MYO5B: variants seen among roughly 807,000 people sequenced by gnomAD.
MYO5B encodes myosin VB.
A neutral mutation model predicts 229.3 loss-of-function variants in MYO5B; 143 were observed. That is an observed-to-expected ratio of 0.62 (90% CI 0.54 to 0.72). MYO5B has a LOEUF of 0.72. Among genes scored for constraint, MYO5B ranks in the 30% least tolerant of loss-of-function variants. The pLI is 0.00. For synonymous variants in MYO5B, 918 were observed against 885.2 expected, an observed-to-expected ratio of 1.04 and a Z score of -0.66; for missense variants, 2,321 against 2,331.0, an observed-to-expected ratio of 1.00 and a Z score of 0.09.
chr18:50,001,415 G>C lies in MYO5B; in HGVS notation c.456-4C>G. The C allele has an allele frequency of 6.2e-7, 1 of 1,614,016 alleles. No individual in the cohort carries two copies. Among genetic ancestry groups the C allele is most frequent in the Non-Finnish European group, 8.5e-7 (1 of 1,179,938 alleles). The stretch of plus-strand genomic sequence containing the variant: ...GATGGACTGATTCTTCTCATCTCTG[G>C]AAGGAAAAAAGCTCTGATAAGTCAT... On this transcript the variant is annotated splice_polypyrimidine_tract_variant and splice_region_variant and intron_variant, in intron 4 of 39. Transcript: ENST00000285039.
In MYO5B at chr18:49,902,760, C is replaced by T. The variant is rs752808273; in HGVS notation, c.2645G>A (p.Arg882Gln). 2.7e-5 allele frequency: 44 copies of T among 1,606,494 alleles called. No homozygotes were observed. The highest frequency in any genetic ancestry group is 1.6e-4 in the Middle Eastern group (1 of 6,084). Reference protein sequence around the residue: ...RGWMARRHFQRLRDAAIVIQC... With the variant: ...RGWMARRHFQQLRDAAIVIQC... ...GATGACAATGGCTGCATCCCGCAGCCGCTGGAAGTGCCTGCGTGCCATCCA... is the reference window on the plus strand; with the variant it reads ...GATGACAATGGCTGCATCCCGCAGCTGCTGGAAGTGCCTGCGTGCCATCCA... The change falls in exon 21 of 40, where the codon CGG (arginine) becomes CAG (glutamine). Residue 882 changes from arginine to glutamine, a missense_variant. By Grantham distance (43) the Arg-to-Gln change is conservative (BLOSUM62 1). Coordinates refer to ENST00000285039, the MANE Select transcript of MYO5B (RefSeq NM_001080467.3).
At chr18:49,971,982 G>T (rs1420690588) in intron 10 of MYO5B, among the ~76,000 whole-genome samples, 1 of 152,116 alleles carries the variant, frequency 6.6e-6, no homozygotes, top group East Asian at 1.9e-4. Flanking sequence ...AAGCACAAAG[G>T]GTAGGAAAAT....
At chr18:49,931,406 C>G (rs1254976329) in intron 16 of MYO5B, among the ~76,000 whole-genome samples, 1 of 152,214 alleles carries the variant, frequency 6.6e-6, no homozygotes, top group Non-Finnish European at 1.5e-5. Context: ...TCCATAAAAT[C>G]TTCCCGACTC....
At chr18:49,990,378 G>A in intron 7 of MYO5B, 61 bp downstream of exon 7, 1 of 1,425,890 alleles carries the variant, frequency 7.0e-7, no homozygotes, top group Non-Finnish European at 9.9e-7. Flanking sequence ...AGAGCCCCCA[G>A]CTGTGCACCC....
At chr18:50,011,746 C>T (rs1005857042) in intron 4 of MYO5B, among the ~76,000 whole-genome samples, 1 of 152,076 alleles carries the variant, frequency 6.6e-6, no homozygotes, top group South Asian at 2.1e-4. Flanking sequence ...AACTGGTCTT[C>T]CCATGATAAT....
intron 1 of MYO5B, among the ~76,000 whole-genome samples, chr18:50,070,412 T>A (rs1264481760): frequency 1.3e-5 from 2 of 152,060 alleles, no homozygotes; most frequent in Non-Finnish European, 2.9e-5. Context: ...GCAGTTCTCA[T>A]CTGGGGTGGG....
chr18:50,054,936 G>A (rs928603313), intron 2 of MYO5B, among the ~76,000 whole-genome samples: 1 of 152,068 alleles, frequency 6.6e-6, no homozygotes, highest in African/African-American at 2.4e-5. Context: ...TGCCCTGCAG[G>A]GACCCTTGTA....
intron 1 of MYO5B, among the ~76,000 whole-genome samples, chr18:50,135,426 G>A (rs1205634372): frequency 2.0e-5 from 3 of 152,114 alleles, no homozygotes; most frequent in African/African-American, 4.8e-5. Flanking sequence ...GATCATATTC[G>A]TCTTTGCCAG....
chr18:50,013,105 C>T (rs750784114), intron 4 of MYO5B, among the ~76,000 whole-genome samples: 3 of 152,162 alleles, frequency 2.0e-5, no homozygotes, highest in African/African-American at 7.2e-5. Flanking sequence ...GAATTACATC[C>T]ATAAGGTTGC....
At chr18:49,886,933 A>T (rs997193395) in intron 22 of MYO5B, among the ~76,000 whole-genome samples, 1 of 152,136 alleles carries the variant, frequency 6.6e-6, no homozygotes, top group South Asian at 2.1e-4. Flanking sequence ...AGACTGACTC[A>T]TGGTAGTTGA....
chr18:49,838,813 T>C (rs1042862844), intron 36 of MYO5B, among the ~76,000 whole-genome samples: 1 of 152,240 alleles, frequency 6.6e-6, no homozygotes, highest in Non-Finnish European at 1.5e-5. Flanking sequence ...AAGTTCATAA[T>C]AGGTTAAGAG....
At chr18:49,864,073 A>C in intron 28 of MYO5B, 68 bp downstream of exon 28, 2 of 1,586,482 alleles carry the variant, frequency 1.3e-6, no homozygotes, top group Non-Finnish European at 1.7e-6. Context: ...AAAGATAATT[A>C]AAAAAACACT....
intron 17 of MYO5B, among the ~76,000 whole-genome samples, chr18:49,927,634 A>G (rs767889895): frequency 1.3e-5 from 2 of 152,178 alleles, no homozygotes; most frequent in Non-Finnish European, 2.9e-5. Context: ...AGCAAAAACA[A>G]AAAGTGGGTA....
chr18:50,154,797 G>A (rs1332857329), intron 1 of MYO5B, among the ~76,000 whole-genome samples: 1 of 152,196 alleles, frequency 6.6e-6, no homozygotes, highest in African/African-American at 2.4e-5. Context: ...GGTCAGAAGA[G>A]GGGTTCAAGC....
At position 50,035,932 on chromosome 18, in the gene MYO5B, A is replaced by T. The variant is rs148012415; in HGVS notation, c.455+918T>A. Among the ~76,000 whole-genome samples the T allele has an allele frequency of 9.8e-5, 15 of 152,318 alleles. No individual in the cohort carries two copies. The East Asian group carries it at 2.9e-3, about 29-fold the overall frequency. Reference sequence around the variant, plus strand: ...AAATCTGCAAGGATGCCCATAAAACAGTCTTCCCTCATGGAAATTTTCACT... The same window carrying T: ...AAATCTGCAAGGATGCCCATAAAACTGTCTTCCCTCATGGAAATTTTCACT... On this transcript the variant is annotated intron_variant, in intron 4 of 39. Transcript: ENST00000285039.
intron 1 of MYO5B, among the ~76,000 whole-genome samples, chr18:50,067,631 A>C (rs1476033264): frequency 1.3e-5 from 2 of 152,124 alleles, no homozygotes; most frequent in Non-Finnish European, 2.9e-5. Context: ...TTTCCGTGAG[A>C]GCCCATTGTT....
intron 1 of MYO5B, among the ~76,000 whole-genome samples, chr18:50,104,177 A>AAAAAAAAAAAG (rs1555659332): frequency 6.8e-6 from 1 of 146,518 alleles, no homozygotes; most frequent in Non-Finnish European, 1.5e-5. Flanking sequence ...TAAAAAGAAA[A>AAAAAAAAAAAG]AAAAGAAAAT....
Position 50,026,898 on chromosome 18 carries a change from C to T in MYO5B, c.455+9952G>A, listed in dbSNP as rs370125309. On this transcript the variant is annotated intron_variant, in intron 4 of 39. Coordinates refer to ENST00000285039, the MANE Select transcript of MYO5B (RefSeq NM_001080467.3). The stretch of plus-strand genomic sequence containing the variant: ...AATTGAGGTGAACTTGAGAAACTTG[C>T]TCAGGGCCACACAGCTACTGTGTTT... Among the ~76,000 whole-genome samples, 13 of 152,338 alleles carry T rather than the reference C, an allele frequency of 8.5e-5. No individual in the cohort carries two copies. In the South Asian group the frequency reaches 1.9e-3, roughly 22 times the overall value.
chr18:49,850,646 C>T (rs1262266475), intron 31 of MYO5B: 1 of 152,152 alleles, frequency 6.6e-6, no homozygotes, highest in African/African-American at 2.4e-5. Flanking sequence ...GTAGAAAGGA[C>T]CCAGGTGTCT....
Sources: gnomAD v4.1 joint callset for allele counts (sites outside exome capture counted in the v4.1 genomes callset) on GRCh38, gnomAD v4.1.1 for gene constraint, MANE v1.5 for transcripts, NCBI Gene and HGNC (gene_info 2026-07-23, HGNC 2026-07-21) for gene names.